The following ZMYND8 variants were observed in gnomAD, a reference collection of about 807,000 sequenced individuals.
The protein encoded by ZMYND8 is MYND-type zinc finger-containing chromatin reader ZMYND8.
ZMYND8 carries 37 observed loss-of-function variants against 140.8 expected under a neutral mutation model. The observed-to-expected ratio is 0.26, with a 90% CI of 0.20 to 0.35. The LOEUF (loss-of-function observed/expected upper bound fraction) is 0.35. Among genes scored for constraint, ZMYND8 ranks in the 10% least tolerant of loss-of-function variants. The pLI is 1.00. For missense variants in ZMYND8, 1,068 were observed against 1,570.0 expected, an observed-to-expected ratio of 0.68 and a Z score of 5.40; for synonymous variants, 592 against 597.1, an observed-to-expected ratio of 0.99 and a Z score of 0.12.
At chr20:47,271,815 G>T (rs2147733881) in intron 11 of ZMYND8, among the ~76,000 whole-genome samples, 1 of 152,208 alleles carries the variant, frequency 6.6e-6, no homozygotes, top group East Asian at 1.9e-4. Flanking sequence ...CTGTGTAGTT[G>T]GGACTGCAGG....
chr20:47,223,065 A>G (rs1484211311), intron 19 of ZMYND8, among the ~76,000 whole-genome samples: 5 of 152,262 alleles, frequency 3.3e-5, no homozygotes. Flanking sequence ...AGTCATTTAC[A>G]TACCACCTTT....
rs566040970 is a variant in ZMYND8, at chr20:47,278,074, G to T, written c.999-1279C>A. Among the ~76,000 whole-genome samples the T allele has an allele frequency of 1.2e-4, 18 of 152,238 alleles. 1 individual carries two copies. In the South Asian group the frequency reaches 3.7e-3, roughly 32 times the overall value. ...TACAGCCTCAAACTCCTGGACTCAA[G>T]GAATCCTCCCAGATCAGCCTCCCAA... On this transcript the variant is annotated intron_variant, in intron 10 of 22. Coordinates refer to ENST00000471951, the MANE Select transcript of ZMYND8 (RefSeq NM_001281775.3).
chr20:47,261,768 T>C (rs2075173842), intron 12 of ZMYND8, among the ~76,000 whole-genome samples: 1 of 152,184 alleles, frequency 6.6e-6, no homozygotes, highest in South Asian at 2.1e-4. Context: ...GTGGAAACAC[T>C]GGCCTGGATA....
At chr20:47,246,559 A>C in intron 13 of ZMYND8, 42 bp from the exon 14 acceptor site, 1 of 1,526,774 alleles carries the variant, frequency 6.5e-7, no homozygotes, top group Non-Finnish European at 8.7e-7. Flanking sequence ...GTAGTCACAA[A>C]ATAAAGAGCA....
intron 11 of ZMYND8, among the ~76,000 whole-genome samples, chr20:47,275,597 T>G (rs1419509758): frequency 1.3e-5 from 2 of 152,140 alleles, no homozygotes; most frequent in Non-Finnish European, 2.9e-5. Flanking sequence ...TTACCTTTTT[T>G]TGTTTTTGTT....
intron 18 of ZMYND8, 129 bp downstream of exon 18, chr20:47,227,074 T>C (rs2147020627): frequency 1.0e-6 from 1 of 956,242 alleles, no homozygotes; most frequent in Non-Finnish European, 1.6e-6. Flanking sequence ...CAGGATTCTG[T>C]GGTCTCCCTA....
At chr20:47,240,353 G>A (rs2039803514) in intron 14 of ZMYND8, among the ~76,000 whole-genome samples, 1 of 151,666 alleles carries the variant, frequency 6.6e-6, no homozygotes, top group South Asian at 2.1e-4. Context: ...CGTCTCTACC[G>A]AAAATACAAA....
At chr20:47,235,701 C>G (rs1237192606) in intron 16 of ZMYND8, among the ~76,000 whole-genome samples, 2 of 141,992 alleles carry the variant, frequency 1.4e-5, no homozygotes, top group Non-Finnish European at 3.0e-5. Context: ...AGTGAGACTC[C>G]ATCTCAAAAA....
Position 47,238,931 on chromosome 20 carries a change from G to A in ZMYND8, c.2492C>T (p.Ala831Val). The change falls in exon 15 of 23, where the codon GCC becomes GTC. Residue 831 changes from alanine (A) to valine (V), a missense_variant. By Grantham distance (64) the Ala-to-Val change is moderately conservative (BLOSUM62 0). Transcript: ENST00000471951. ...KQRPLLPKET[A>V]PAVQRVVWNS... The stretch of plus-strand genomic sequence containing the variant: ...CCACACGACCCGCTGCACGGCCGGG[G>A]CAGTCTCCTTCGGTAAAAGCGGCCT... 1 of 1,614,110 alleles carries A rather than the reference G, an allele frequency of 6.2e-7. No homozygotes were observed. The highest frequency in any genetic ancestry group is 8.5e-7 in the Non-Finnish European group (1 of 1,179,972).
chr20:47,230,317 A>T (rs1298017375), intron 16 of ZMYND8, among the ~76,000 whole-genome samples: 3 of 149,020 alleles, frequency 2.0e-5, no homozygotes, highest in Admixed American at 6.7e-5. Context: ...TTTAAGATGG[A>T]GCCTCACTCT....
chr20:47,231,522 C>G (rs978354020), intron 16 of ZMYND8, among the ~76,000 whole-genome samples: 2 of 152,082 alleles, frequency 1.3e-5, no homozygotes, highest in African/African-American at 4.8e-5. Context: ...AAAGAAATAC[C>G]CATTCATCTT....
At chr20:47,221,570 A>G in intron 19 of ZMYND8, 96 bp from the exon 20 acceptor site, 1 of 1,445,506 alleles carries the variant, frequency 6.9e-7, no homozygotes, top group African/African-American at 1.4e-5. Flanking sequence ...GTGGCACCCA[A>G]GGCTCAGCCC....
At chr20:47,333,845 G>A (rs189838511) in intron 2 of ZMYND8, among the ~76,000 whole-genome samples, 1 of 149,046 alleles carries the variant, frequency 6.7e-6, no homozygotes, top group Non-Finnish European at 1.5e-5. Flanking sequence ...AAGCAGAGGG[G>A]TGCAGTGAGC....
chr20:47,347,744 A>T (rs1412570939), intron 2 of ZMYND8, 112 bp downstream of exon 2: 5 of 1,001,850 alleles, frequency 5.0e-6, no homozygotes, highest in Non-Finnish European at 7.5e-6. Flanking sequence ...AAATCCAAGA[A>T]GAGTTACAAC....
chr20:47,280,856 T>A (rs528554558), intron 10 of ZMYND8, among the ~76,000 whole-genome samples: 25 of 152,052 alleles, frequency 1.6e-4, no homozygotes, highest in Non-Finnish European at 3.4e-4. Flanking sequence ...CCCACTATTC[T>A]CCCAGCATTT....
intron 3 of ZMYND8, among the ~76,000 whole-genome samples, chr20:47,304,758 G>A (rs977139477): frequency 6.6e-6 from 1 of 152,194 alleles, no homozygotes; most frequent in Non-Finnish European, 1.5e-5. Flanking sequence ...ATTCAACCTC[G>A]CAGTGGGGGA....
intron 2 of ZMYND8, among the ~76,000 whole-genome samples, chr20:47,343,510 A>G (rs1421494014): frequency 6.6e-6 from 1 of 152,144 alleles, no homozygotes; most frequent in African/African-American, 2.4e-5. Flanking sequence ...CCCATACAGA[A>G]GAATTCTAAA....
At chr20:47,287,346 C>T in intron 7 of ZMYND8, 62 bp from the exon 8 acceptor site, 1 of 1,380,798 alleles carries the variant, frequency 7.2e-7, no homozygotes, top group Non-Finnish European at 1.0e-6. Flanking sequence ...GGCCTGGGGA[C>T]TTTACTTCCG....
chr20:47,257,929 C>T (rs2074875898), intron 12 of ZMYND8, among the ~76,000 whole-genome samples: 1 of 152,150 alleles, frequency 6.6e-6, no homozygotes, highest in Admixed American at 6.5e-5. Context: ...GCAATCATAG[C>T]TCACTGCAAC....
Sources: allele counts gnomAD v4.1 joint callset (sites outside exome capture counted in the v4.1 genomes callset), GRCh38; gene constraint gnomAD v4.1.1; transcripts MANE v1.5; gene names NCBI Gene and HGNC (gene_info 2026-07-23, HGNC 2026-07-21).